TENM3: variants seen among roughly 807,000 people sequenced by gnomAD.
TENM3 encodes teneurin-3.
Under a neutral mutation model 255.1 loss-of-function variants are expected in TENM3, and 63 were observed. The ratio of observed to expected loss-of-function variants is 0.25; its 90% confidence interval spans 0.20 to 0.30. TENM3 has a LOEUF of 0.30. TENM3 is among the 10% of genes least tolerant of loss of function. The pLI is 1.00. For missense variants in TENM3, 2,929 were observed against 3,461.1 expected (o/e 0.85, Z 3.86); for synonymous variants, 1,306 against 1,322.3 (o/e 0.99, Z 0.27).
the TENM3 span, among the ~76,000 whole-genome samples, chr4:181,837,010 T>A: frequency 6.6e-6 from 1 of 152,140 alleles, no homozygotes; most frequent in Non-Finnish European, 1.5e-5. Flanking sequence ...TTGATGCTAT[T>A]GTGAATAGTG....
At chr4:182,022,074 A>G in the TENM3 span, among the ~76,000 whole-genome samples, 6 of 152,016 alleles carry the variant, frequency 3.9e-5, no homozygotes, top group African/African-American at 1.2e-4. Flanking sequence ...GTTCCACCAA[A>G]TTGTTCTGCA....
At chr4:181,782,560 C>A in the TENM3 span, among the ~76,000 whole-genome samples, 4 of 151,910 alleles carry the variant, frequency 2.6e-5, no homozygotes, top group Non-Finnish European at 4.4e-5. Context: ...TTGATCTTTT[C>A]AAAAAACCAG....
chr4:182,066,772 G>A, the TENM3 span, among the ~76,000 whole-genome samples: 476 of 151,968 alleles, frequency 3.1e-3, 2 homozygotes, highest in Non-Finnish European at 4.0e-3. Flanking sequence ...TTAGCCGGGC[G>A]TGGTGGCAGG....
At chr4:182,784,776 G>A (rs531560529) in intron 24 of TENM3, among the ~76,000 whole-genome samples, 5 of 152,104 alleles carry the variant, frequency 3.3e-5, no homozygotes, top group Non-Finnish European at 5.9e-5. Flanking sequence ...TTTTAAGCCC[G>A]TCGGAAAAGC....
At chr4:182,678,078 T>C (rs914703521) in intron 7 of TENM3, among the ~76,000 whole-genome samples, 17 of 152,240 alleles carry the variant, frequency 1.1e-4, no homozygotes, top group African/African-American at 3.6e-4. Flanking sequence ...TGTTTCACCA[T>C]AAACACACTT....
intron 12 of TENM3, among the ~76,000 whole-genome samples, chr4:182,696,855 T>G (rs1442547704): frequency 6.6e-6 from 1 of 152,218 alleles, no homozygotes; most frequent in African/African-American, 2.4e-5. Flanking sequence ...TTGATATTCT[T>G]TTTCTTAAAG....
At chr4:181,560,554 C>CA in the TENM3 span, among the ~76,000 whole-genome samples, 1 of 152,120 alleles carries the variant, frequency 6.6e-6, no homozygotes, top group Non-Finnish European at 1.5e-5. Context: ...ACATGCTCTC[C>CA]ATATTCAAGT....
intron 3 of TENM3, among the ~76,000 whole-genome samples, chr4:182,474,966 T>A (rs2151476592): frequency 6.7e-6 from 1 of 150,306 alleles, no homozygotes; most frequent in South Asian, 2.1e-4. Context: ...TGAGACCTAC[T>A]CGTATCTACA....
intron 1 of TENM3, among the ~76,000 whole-genome samples, chr4:182,150,096 A>G (rs1373179005): frequency 2.0e-5 from 3 of 152,000 alleles, no homozygotes; most frequent in South Asian, 2.1e-4. Flanking sequence ...AGGTGGGGAT[A>G]ATGTGATTTG....
rs201419719 is a variant in TENM3 at position 182,422,646 on chromosome 4, G to A, written c.511+75717G>A. 3.3e-5 allele frequency among the ~76,000 whole-genome samples: 5 copies of A among 152,284 alleles called. No individual in the cohort carries two copies. The East Asian group carries it at 9.7e-4, about 29-fold the overall frequency. On this transcript the variant is annotated intron_variant, in intron 3 of 27. Transcript: ENST00000511685. Reference sequence around the variant, plus strand: ...GAAGGAAGAACTTGAAATTAGAATCGACTTGTCATTCAATTTCACTGCATA... The same window carrying A: ...GAAGGAAGAACTTGAAATTAGAATCAACTTGTCATTCAATTTCACTGCATA...
chr4:181,685,508 A>T, the TENM3 span, among the ~76,000 whole-genome samples: 1 of 152,346 alleles, frequency 6.6e-6, no homozygotes, highest in Admixed American at 6.5e-5. Context: ...TACTTTAGGC[A>T]GGTTTACAAT....
the TENM3 span, among the ~76,000 whole-genome samples, chr4:182,019,146 A>G: frequency 6.6e-6 from 1 of 151,896 alleles, no homozygotes; most frequent in East Asian, 1.9e-4. Context: ...TCAAAGACCA[A>G]CCCTTTAGTG....
At chr4:181,558,294 C>G in the TENM3 span, among the ~76,000 whole-genome samples, 1 of 152,152 alleles carries the variant, frequency 6.6e-6, no homozygotes, top group Non-Finnish European at 1.5e-5. Context: ...TTTGAACTTA[C>G]AGAGTATGAT....
intron 6 of TENM3, among the ~76,000 whole-genome samples, chr4:182,658,905 T>C (rs1380504832): frequency 6.6e-6 from 1 of 152,190 alleles, no homozygotes; most frequent in Non-Finnish European, 1.5e-5. Flanking sequence ...TTGGGCCTCT[T>C]AGAACATAGC....
At chr4:182,446,531 G>A (rs554918240) in intron 3 of TENM3, among the ~76,000 whole-genome samples, 3 of 151,938 alleles carry the variant, frequency 2.0e-5, no homozygotes, top group East Asian at 1.9e-4. Context: ...TTCTGCATTC[G>A]AACGTTCTAG....
At chr4:181,682,926 G>A in the TENM3 span, among the ~76,000 whole-genome samples, 2 of 151,890 alleles carry the variant, frequency 1.3e-5, no homozygotes, top group Non-Finnish European at 2.9e-5. Flanking sequence ...ACAACTTTTA[G>A]AATAAGGCTA....
At chr4:182,784,076 G>A (rs1765405433) in intron 24 of TENM3, among the ~76,000 whole-genome samples, 1 of 152,218 alleles carries the variant, frequency 6.6e-6, no homozygotes, top group African/African-American at 2.4e-5. Flanking sequence ...TCTCCATCCA[G>A]CTTTGTTCTG....
chr4:182,454,425 T>C (rs1773711424), intron 3 of TENM3, among the ~76,000 whole-genome samples: 1 of 152,188 alleles, frequency 6.6e-6, no homozygotes, highest in South Asian at 2.1e-4. Flanking sequence ...TCAGGTTAGC[T>C]AACCATTCTG....
At chr4:182,364,821 A>T (rs1046728132) in intron 3 of TENM3, among the ~76,000 whole-genome samples, 5 of 152,136 alleles carry the variant, frequency 3.3e-5, no homozygotes, top group Non-Finnish European at 5.9e-5. Flanking sequence ...CATATCTACT[A>T]CTGTTGGACA....
Sources: allele counts gnomAD v4.1 joint callset (sites outside exome capture counted in the v4.1 genomes callset), GRCh38; gene constraint gnomAD v4.1.1; transcripts MANE v1.5; gene names NCBI Gene and HGNC (gene_info 2026-07-23, HGNC 2026-07-21).